The following FRMD4A variants were observed in gnomAD, a reference collection of about 807,000 sequenced individuals.
FRMD4A encodes the protein FERM domain-containing protein 4A.
FRMD4A carries 29 observed loss-of-function variants against 129.1 expected under a neutral mutation model. The ratio of observed to expected loss-of-function variants is 0.22; its 90% CI spans 0.17 to 0.31. FRMD4A has a LOEUF of 0.31. FRMD4A is among the 10% of genes least tolerant of loss of function. The pLI is 1.00. For missense variants in FRMD4A, 1,272 were observed against 1,375.8 expected (o/e 0.92, Z 1.19); for synonymous variants, 634 against 571.6 (o/e 1.11, Z -1.56).
At chr10:13,917,219 T>C (rs1457049283) in intron 2 of FRMD4A, among the ~76,000 whole-genome samples, 2 of 152,164 alleles carry the variant, frequency 1.3e-5, no homozygotes, top group African/African-American at 2.4e-5. Flanking sequence ...GATATTAATA[T>C]TGTTGGGAGA....
chr10:14,291,373 T>G (rs1050967352), intron 2 of FRMD4A, among the ~76,000 whole-genome samples: 1 of 152,174 alleles, frequency 6.6e-6, no homozygotes, highest in Admixed American at 6.5e-5. Flanking sequence ...TTGAAAAGTG[T>G]AAGCAGGAGG....
rs138558161 is a variant in FRMD4A, at chr10:14,240,052, C to T, written c.45+90006G>A. Among the ~76,000 whole-genome samples, 286 of 152,286 alleles carry T rather than the reference C, an allele frequency of 1.9e-3. 1 individual carries two copies. The highest frequency in any genetic ancestry group is 2.8e-3 in the Non-Finnish European group (193 of 68,020). ...ATTTACAGGATGCTCCGAATGCATG[C>T]TCACCTGGGCCGCCTATTGATAATA... On this transcript the variant is annotated intron_variant, in intron 2 of 24. Coordinates refer to ENST00000357447, the MANE Select transcript of FRMD4A (RefSeq NM_018027.5).
At chr10:14,191,097 G>A (rs1842303771) in intron 2 of FRMD4A, among the ~76,000 whole-genome samples, 1 of 152,154 alleles carries the variant, frequency 6.6e-6, no homozygotes, top group Non-Finnish European at 1.5e-5. Context: ...TGTCTTATAT[G>A]TTAACCTGCA....
intron 16 of FRMD4A, among the ~76,000 whole-genome samples, chr10:13,672,116 T>TGTGTACAC (rs1398045372): frequency 1.3e-5 from 2 of 152,214 alleles, no homozygotes. Flanking sequence ...CGTGTGTACA[T>TGTGTACAC]GTGTACACGT....
chr10:14,318,597 C>G (rs1277066253), intron 2 of FRMD4A, among the ~76,000 whole-genome samples: 1 of 115,236 alleles, frequency 8.7e-6, no homozygotes, highest in East Asian at 2.6e-4. Flanking sequence ...CAAAAGGCAG[C>G]TCTTTGCTAG....
chr10:14,152,350 G>C (rs530067831), intron 2 of FRMD4A, among the ~76,000 whole-genome samples: 4 of 151,772 alleles, frequency 2.6e-5, no homozygotes, highest in African/African-American at 4.8e-5. Context: ...GAATGGTCTC[G>C]ATCTCCCGAC....
At chr10:13,744,008 A>G (rs917191558) in intron 9 of FRMD4A, among the ~76,000 whole-genome samples, 6 of 152,230 alleles carry the variant, frequency 3.9e-5, no homozygotes, top group Non-Finnish European at 8.8e-5. Flanking sequence ...CAAATGATCA[A>G]AGCTGCCTGT....
chr10:13,803,148 C>CA (rs5783350), intron 4 of FRMD4A, among the ~76,000 whole-genome samples: 58,739 of 128,274 alleles, frequency 0.46, 13,791 homozygotes, highest in Middle Eastern at 0.52. Flanking sequence ...GATTCCATCT[C>CA]AAAAAAAAAA....
intron 2 of FRMD4A, among the ~76,000 whole-genome samples, chr10:14,054,677 G>A (rs983588872): frequency 6.6e-6 from 1 of 152,040 alleles, no homozygotes; most frequent in Non-Finnish European, 1.5e-5. Context: ...CCCCTCCAAT[G>A]CCAAGTGATA....
intron 2 of FRMD4A, among the ~76,000 whole-genome samples, chr10:14,270,041 G>A (rs1845110312): frequency 6.6e-6 from 1 of 152,240 alleles, no homozygotes; most frequent in Non-Finnish European, 1.5e-5. Flanking sequence ...GTCCTTGGAT[G>A]TCAGGACTCC....
intron 2 of FRMD4A, among the ~76,000 whole-genome samples, chr10:13,920,055 A>G (rs149810417): frequency 2.0e-4 from 31 of 152,342 alleles, no homozygotes; most frequent in African/African-American, 6.3e-4. Context: ...TTCAGAAACT[A>G]TATCCCCCAC....
At chr10:13,718,401 T>C (rs1051159869) in intron 12 of FRMD4A, among the ~76,000 whole-genome samples, 1 of 152,266 alleles carries the variant, frequency 6.6e-6, no homozygotes, top group Non-Finnish European at 1.5e-5. Context: ...GCCTGGACTT[T>C]CCACTTGGAG....
chr10:13,898,100 C>T (rs1015681076), intron 2 of FRMD4A, among the ~76,000 whole-genome samples: 1 of 151,820 alleles, frequency 6.6e-6, no homozygotes, highest in Admixed American at 6.6e-5. Flanking sequence ...AGGCTGGGTG[C>T]GGTGGCTCAT....
chr10:13,957,294 C>G (rs890963185), intron 2 of FRMD4A, among the ~76,000 whole-genome samples: 15 of 152,176 alleles, frequency 9.9e-5, no homozygotes, highest in Non-Finnish European at 1.6e-4. Flanking sequence ...GCTCTTGCTG[C>G]CCAGACTGGA....
chr10:14,017,082 C>T (rs1349904094), intron 2 of FRMD4A, among the ~76,000 whole-genome samples: 1 of 152,228 alleles, frequency 6.6e-6, no homozygotes, highest in African/African-American at 2.4e-5. Context: ...GAGGCCAAAT[C>T]AGGTCATCAG....
intron 2 of FRMD4A, among the ~76,000 whole-genome samples, chr10:13,904,992 C>CAAAGAAAA (rs551011444): frequency 0.81 from 88,186 of 109,418 alleles, 35,846 homozygotes; most frequent in South Asian, 0.91. Context: ...GACTCTATCT[C>CAAAGAAAA]AAAAAAAAAA....
intron 2 of FRMD4A, among the ~76,000 whole-genome samples, chr10:14,251,431 G>C (rs1024894352): frequency 1.3e-5 from 2 of 152,288 alleles, no homozygotes; most frequent in African/African-American, 2.4e-5. Flanking sequence ...ATATCCCCCA[G>C]TTGAGCCTTC....
At chr10:13,769,334 G>A (rs1178027564) in intron 6 of FRMD4A, among the ~76,000 whole-genome samples, 1 of 136,104 alleles carries the variant, frequency 7.3e-6, no homozygotes, top group Non-Finnish European at 1.6e-5. Context: ...TTTGAGACAG[G>A]GTCTTGCTCT....
intron 12 of FRMD4A, among the ~76,000 whole-genome samples, chr10:13,714,311 C>T (rs2088552141): frequency 6.6e-6 from 1 of 151,326 alleles, no homozygotes; most frequent in African/African-American, 2.4e-5. Context: ...GATCCACTCG[C>T]CTTGGCTTCC....
Sources: allele counts gnomAD v4.1 joint callset (sites outside exome capture counted in the v4.1 genomes callset), GRCh38; gene constraint gnomAD v4.1.1; transcripts MANE v1.5; gene names NCBI Gene and HGNC (gene_info 2026-07-23, HGNC 2026-07-21).